UBE3C: variants seen among roughly 807,000 people sequenced by gnomAD.
UBE3C encodes the protein ubiquitin protein ligase E3C.
Under a neutral mutation model 129.4 loss-of-function variants are expected in UBE3C, and 42 were observed. The observed-to-expected ratio is 0.32, with a 90% confidence interval of 0.25 to 0.42. The LOEUF (loss-of-function observed/expected upper bound fraction) is 0.42. UBE3C is among the 10% of genes least tolerant of loss of function. UBE3C has a pLI of 1.00. For missense variants in UBE3C, 1,049 were observed against 1,319.1 expected (o/e 0.80, Z 3.17); for synonymous variants, 510 against 492.4 (o/e 1.04, Z -0.47).
chr7:157,199,487 T>C (rs1275223158), intron 10 of UBE3C, among the ~76,000 whole-genome samples: 1 of 152,108 alleles, frequency 6.6e-6, no homozygotes, highest in Non-Finnish European at 1.5e-5. Context: ...TTTTATTTTT[T>C]TGAGTCTGAG....
intron 18 of UBE3C, among the ~76,000 whole-genome samples, chr7:157,241,409 A>G (rs749643423): frequency 3.3e-5 from 5 of 152,252 alleles, no homozygotes; most frequent in East Asian, 1.9e-4. Flanking sequence ...GAAGGATCCA[A>G]TTGGACATCT....
At chr7:157,266,485 T>C (rs1396209045) in intron 22 of UBE3C, among the ~76,000 whole-genome samples, 3 of 152,224 alleles carry the variant, frequency 2.0e-5, no homozygotes, top group Non-Finnish European at 4.4e-5. Flanking sequence ...GGAGATCCAC[T>C]TCTCGTGAGT....
At chr7:157,230,866 A>G (rs1454686277) in intron 17 of UBE3C, among the ~76,000 whole-genome samples, 2 of 152,144 alleles carry the variant, frequency 1.3e-5, no homozygotes, top group East Asian at 1.9e-4. Flanking sequence ...CGGAGGTTGC[A>G]GTGAGCCGAG....
At chr7:157,207,964 C>A in intron 13 of UBE3C, 29 bp downstream of exon 13, 10 of 1,323,004 alleles carry the variant, frequency 7.6e-6, no homozygotes, top group Non-Finnish European at 9.8e-6. Context: ...TTTTTGTTTA[C>A]TGACATTGAA....
chr7:157,144,586 A>G (rs1320701433), intron 1 of UBE3C, among the ~76,000 whole-genome samples: 1 of 152,180 alleles, frequency 6.6e-6, no homozygotes, highest in East Asian at 1.9e-4. Flanking sequence ...ATGGATATAG[A>G]AAAGTTTGTA....
chr7:157,206,769 T>TA (rs1809445981), intron 11 of UBE3C, among the ~76,000 whole-genome samples: 1 of 132,088 alleles, frequency 7.6e-6, no homozygotes, highest in African/African-American at 3.5e-5. Context: ...ATTAATTTAA[T>TA]ATATCATAGC....
At chr7:157,211,347 C>T (rs1809590327) in intron 13 of UBE3C, among the ~76,000 whole-genome samples, 1 of 152,152 alleles carries the variant, frequency 6.6e-6, no homozygotes, top group Admixed American at 6.5e-5. Context: ...ACCAAGAGAT[C>T]CAAAGCTTGT....
At chr7:157,256,862 G>A (rs2116699743) in intron 21 of UBE3C, 52 bp from the exon 22 acceptor site, 3 of 1,608,740 alleles carry the variant, frequency 1.9e-6, no homozygotes, top group Non-Finnish European at 2.5e-6. Flanking sequence ...TGTGGGTCCT[G>A]AAGGGTGGGT....
At chr7:157,209,306 T>C (rs902774672) in intron 13 of UBE3C, among the ~76,000 whole-genome samples, 2 of 152,254 alleles carry the variant, frequency 1.3e-5, no homozygotes, top group South Asian at 2.1e-4. Flanking sequence ...GATAATGTTT[T>C]GATTGCACTG....
At chr7:157,144,126 G>T (rs556097541) in intron 1 of UBE3C, among the ~76,000 whole-genome samples, 1 of 152,320 alleles carries the variant, frequency 6.6e-6, no homozygotes, top group East Asian at 1.9e-4. Flanking sequence ...GAGTGAATGG[G>T]AAGTCACAAA....
intron 2 of UBE3C, among the ~76,000 whole-genome samples, chr7:157,166,702 T>TG (rs1219233489): frequency 6.7e-6 from 1 of 149,678 alleles, no homozygotes; most frequent in Non-Finnish European, 1.5e-5. Flanking sequence ...ATCACGCTGT[T>TG]GCACTCCAGC....
intron 18 of UBE3C, among the ~76,000 whole-genome samples, chr7:157,244,446 T>C (rs1796424578): frequency 6.6e-6 from 1 of 152,232 alleles, no homozygotes; most frequent in Non-Finnish European, 1.5e-5. Flanking sequence ...ATGGTTAATA[T>C]GATATGAAAT....
chr7:157,216,733 A>T, intron 13 of UBE3C, 134 bp from the exon 14 acceptor site: 1 of 673,576 alleles, frequency 1.5e-6, no homozygotes, highest in Non-Finnish European at 2.6e-6. Context: ...CTTTTCTGTG[A>T]GCGGGTTTGG....
At chr7:157,162,425 C>T (rs1234584731) in intron 1 of UBE3C, among the ~76,000 whole-genome samples, 1 of 152,142 alleles carries the variant, frequency 6.6e-6, no homozygotes, top group African/African-American at 2.4e-5. Flanking sequence ...GAACTCCTGA[C>T]CTCATGATCT....
chr7:157,225,562 ATTAT>A (rs761737995), intron 17 of UBE3C, 23 bp downstream of exon 17: 4 of 1,537,982 alleles, frequency 2.6e-6, no homozygotes, highest in Admixed American at 2.3e-5. Context: ...CTTTCTGTGT[ATTAT>A]TTGGCAGGTG....
At chr7:157,142,169 CTT>C (rs1345868442) in intron 1 of UBE3C, among the ~76,000 whole-genome samples, 1 of 152,170 alleles carries the variant, frequency 6.6e-6, no homozygotes, top group Non-Finnish European at 1.5e-5. Flanking sequence ...CCTGAATTCT[CTT>C]TGACTGCCGC....
Position 157,139,263 on chromosome 7 carries a change from G to A in UBE3C, c.-10G>A, listed in dbSNP as rs1227753163. 6.4e-7 allele frequency: 1 copy of A among 1,563,626 alleles called. No homozygotes were observed. The highest frequency in any genetic ancestry group is 8.6e-7 in the Non-Finnish European group (1 of 1,162,178). On this transcript the variant is annotated 5_prime_UTR_variant, in exon 1 of 23. The change abolishes the stop of an existing upstream ORF in the 5' untranslated region. Transcript: ENST00000348165. ...GGCGGCGCTGCCCGCACATGGGCTA[G>A]GCTGCCAGGATGTTCAGCTTCGAAG... is the stretch of plus-strand genomic sequence containing the variant.
In UBE3C at chr7:157,231,244, C is replaced by T. The variant is rs149950653; in HGVS notation, c.2398C>T (p.Leu800=). The T allele has an allele frequency of 1.1e-4, 184 of 1,614,056 alleles. No homozygotes were observed. The highest frequency in any genetic ancestry group is 1.5e-4 in the Non-Finnish European group (179 of 1,180,038). ...CTTTAAGACTACTAATGAAGGGCTT[C>T]TGTACCCCAACCCGGCTGCTCAGAT... ...GFFKTTNEGL[L]YPNPAAQMLV... The change falls in exon 18 of 23, where the codon CTG becomes TTG. Residue 800 remains leucine, a synonymous_variant. Transcript: ENST00000348165.
chr7:157,159,698 T>C (rs1259699661), intron 1 of UBE3C, among the ~76,000 whole-genome samples: 2 of 152,132 alleles, frequency 1.3e-5, no homozygotes, highest in East Asian at 1.9e-4. Context: ...TGAAACCTTG[T>C]CTCTACTAAA....
Sources: allele counts gnomAD v4.1 joint callset (sites outside exome capture counted in the v4.1 genomes callset), GRCh38; gene constraint gnomAD v4.1.1; transcripts MANE v1.5; gene names NCBI Gene and HGNC (gene_info 2026-07-23, HGNC 2026-07-21).